Variants in CDH13 observed in about 807,000 individuals in gnomAD.
The protein encoded by CDH13 is cadherin-13.
A neutral mutation model predicts 63.8 loss-of-function variants in CDH13; 24 were observed. The ratio of observed to expected loss-of-function variants is 0.38; its 90% CI spans 0.27 to 0.53. The LOEUF (loss-of-function observed/expected upper bound fraction) is 0.53. CDH13 is among the 20% of genes least tolerant of loss of function. CDH13 has a pLI of 0.85. For missense variants in CDH13, 1,049 were observed against 903.1 expected (o/e 1.16, Z -2.07); for synonymous variants, 503 against 355.3 (o/e 1.42, Z -4.67).
chr16:83,047,489 C>G lies in CDH13; in HGVS notation c.366+15271C>G, dbSNP rs1289923564. 6.6e-6 allele frequency among the ~76,000 whole-genome samples: 1 copy of G among 152,100 alleles called. No homozygotes were observed. Among genetic ancestry groups the G allele is most frequent in the Admixed American group, 6.5e-5 (1 of 15,272 alleles). On this transcript the variant is annotated intron_variant, in intron 3 of 13. Coordinates refer to ENST00000567109, the MANE Select transcript of CDH13 (RefSeq NM_001257.5). The surrounding 1 kb of genome is among the most constrained non-coding windows in gnomAD (Gnocchi z 4.9). ...TCTGTAATTTCCTCTTTCCCTCAGG[C>G]CTTTGCGTAATATTTTCTCTGCATG...
In CDH13 at chr16:83,748,344, C is replaced by G. The variant is rs1041612367; in HGVS notation, c.1681+94C>G. The G allele has an allele frequency of 5.1e-6, 6 of 1,169,320 alleles. No individual in the cohort carries two copies. The Admixed American group carries it at 6.7e-5, about 13-fold the overall frequency. 72.4% of individuals were successfully genotyped at this position (1,169,320 alleles called of 1,614,324 possible). A position where few individuals can be genotyped will look rare whatever the true frequency, so the allele number is the denominator to read the frequency against. ...TTCTTCTGATACACCCAGGGGTGTTCTTGGGAAGAATGTAAGTGTGTGGGA... is the reference window on the plus strand; with the variant it reads ...TTCTTCTGATACACCCAGGGGTGTTGTTGGGAAGAATGTAAGTGTGTGGGA... On this transcript the variant is annotated intron_variant, in intron 11 of 13. Coordinates refer to ENST00000567109, the MANE Select transcript of CDH13 (RefSeq NM_001257.5).
intron 10 of CDH13, among the ~76,000 whole-genome samples, chr16:83,683,718 C>T (rs949325528): frequency 1.4e-4 from 22 of 152,148 alleles, no homozygotes; most frequent in African/African-American, 5.3e-4. Context: ...CATTAATATC[C>T]TGAAGACAAG....
chr16:82,804,241 G>A (rs1024771551), intron 1 of CDH13, among the ~76,000 whole-genome samples: 4 of 121,738 alleles, frequency 3.3e-5, no homozygotes, highest in African/African-American at 1.1e-4. Flanking sequence ...AAAAAAATGT[G>A]TTTAGAGTTT....
chr16:82,642,799 C>A (rs1909579077), intron 1 of CDH13, among the ~76,000 whole-genome samples: 1 of 152,168 alleles, frequency 6.6e-6, no homozygotes, highest in African/African-American at 2.4e-5. Context: ...TTAATCAGCA[C>A]ATGTAATCCT....
At chr16:83,286,105 C>A (rs577332439) in intron 5 of CDH13, among the ~76,000 whole-genome samples, 1 of 152,148 alleles carries the variant, frequency 6.6e-6, no homozygotes, top group African/African-American at 2.4e-5. Flanking sequence ...GTCTGAGCAA[C>A]GTTCCTGCTT....
At chr16:83,548,402 T>G (rs984912805) in intron 7 of CDH13, among the ~76,000 whole-genome samples, 2 of 152,158 alleles carry the variant, frequency 1.3e-5, no homozygotes, top group Non-Finnish European at 2.9e-5. Flanking sequence ...CTAAATATCC[T>G]ACAATGCAAA....
chr16:83,215,239 G>C (rs1286495150), intron 4 of CDH13, among the ~76,000 whole-genome samples: 1 of 151,612 alleles, frequency 6.6e-6, no homozygotes, highest in Non-Finnish European at 1.5e-5. Context: ...ATCACGCCCA[G>C]CTAAATTTTC....
chr16:83,489,070 C>T (rs2073955006), intron 7 of CDH13, among the ~76,000 whole-genome samples: 1 of 152,192 alleles, frequency 6.6e-6, no homozygotes, highest in South Asian at 2.1e-4. Context: ...GCTCCCAAAG[C>T]TTCTCACAAG....
At chr16:83,506,367 T>C (rs183256924) in intron 7 of CDH13, among the ~76,000 whole-genome samples, 403 of 152,298 alleles carry the variant, frequency 2.6e-3, no homozygotes, top group Middle Eastern at 0.014. Flanking sequence ...ACTCCTGCAC[T>C]CAAATCCCAA....
At chr16:83,578,664 C>T (rs559072808) in intron 7 of CDH13, among the ~76,000 whole-genome samples, 2 of 152,326 alleles carry the variant, frequency 1.3e-5, no homozygotes, top group South Asian at 2.1e-4. Flanking sequence ...AGTGCCCTTG[C>T]TGTCAAGGAT....
intron 3 of CDH13, among the ~76,000 whole-genome samples, chr16:83,052,132 G>A (rs1467180557): frequency 6.6e-6 from 1 of 152,172 alleles, no homozygotes; most frequent in Non-Finnish European, 1.5e-5. Flanking sequence ...CGTATGCCAT[G>A]TCCATACGAC....
chr16:82,627,222 G>C (rs1907390817), intron 1 of CDH13, 85 bp downstream of exon 1: 2 of 1,177,342 alleles, frequency 1.7e-6, no homozygotes, highest in Admixed American at 2.0e-5. Flanking sequence ...GGGGGCTTTC[G>C]GGGGGTCGGG....
At chr16:83,529,938 C>G (rs1239565854) in intron 7 of CDH13, among the ~76,000 whole-genome samples, 2 of 151,920 alleles carry the variant, frequency 1.3e-5, no homozygotes, top group Non-Finnish European at 2.9e-5. Flanking sequence ...AACTACAGTC[C>G]TAGTTAAGTA....
At chr16:82,808,931 C>T (rs2037298222) in intron 1 of CDH13, among the ~76,000 whole-genome samples, 1 of 152,076 alleles carries the variant, frequency 6.6e-6, no homozygotes, top group African/African-American at 2.4e-5. Flanking sequence ...CATGTTTACA[C>T]ATAAGAGTAT....
intron 1 of CDH13, chr16:82,824,606 T>A (rs1226263529): frequency 6.6e-6 from 1 of 152,176 alleles, no homozygotes; most frequent in Non-Finnish European, 1.5e-5. Flanking sequence ...TATCTATTTA[T>A]AGGAAACACA....
At chr16:83,185,300 A>T (rs368247976) in intron 4 of CDH13, among the ~76,000 whole-genome samples, 1 of 152,194 alleles carries the variant, frequency 6.6e-6, no homozygotes, top group African/African-American at 2.4e-5. Context: ...AATAAGAATA[A>T]TAACTCCAAA....
At chr16:83,129,359 T>C (rs2035948985) in intron 4 of CDH13, among the ~76,000 whole-genome samples, 1 of 152,150 alleles carries the variant, frequency 6.6e-6, no homozygotes, top group Non-Finnish European at 1.5e-5. Context: ...GTCTTTGGCT[T>C]CCCCTAGAAG....
intron 6 of CDH13, among the ~76,000 whole-genome samples, chr16:83,352,346 G>A (rs1017594536): frequency 5.3e-5 from 8 of 152,192 alleles, no homozygotes; most frequent in Non-Finnish European, 1.0e-4. Context: ...AGAGGAAAGC[G>A]AATGCTTATA....
chr16:82,667,686 T>C (rs1031217747), intron 1 of CDH13, among the ~76,000 whole-genome samples: 2 of 152,124 alleles, frequency 1.3e-5, no homozygotes, highest in Non-Finnish European at 2.9e-5. Context: ...GGCGAAGCAG[T>C]GCACCCATGA....
Sources: allele counts gnomAD v4.1 joint callset (sites outside exome capture counted in the v4.1 genomes callset), GRCh38; gene constraint gnomAD v4.1.1; non-coding constraint Gnocchi (gnomAD v3.1); transcripts MANE v1.5; gene names NCBI Gene and HGNC (gene_info 2026-07-23, HGNC 2026-07-21).